Variants in GSE1 observed in about 807,000 individuals in gnomAD.
GSE1 encodes the protein Gse1 coiled-coil protein.
GSE1 carries 32 observed loss-of-function variants against 112.6 expected under a neutral mutation model. The ratio of observed to expected loss-of-function variants is 0.28; its 90% CI spans 0.21 to 0.38. The LOEUF (loss-of-function observed/expected upper bound fraction) is 0.38, where lower values mean the gene tolerates loss of function less well. Among genes scored for constraint, GSE1 ranks in the 10% least tolerant of loss-of-function variants. The probability of loss-of-function intolerance (pLI) is 1.00; values close to 1 mark genes in which losing one functional copy is unlikely to be tolerated. For synonymous variants in GSE1, 1,115 were observed against 735.6 expected, an observed-to-expected ratio of 1.52 and a Z score of -8.35; for missense variants, 2,348 against 1,699.2, an observed-to-expected ratio of 1.38 and a Z score of -6.71.
intron 2 of GSE1, among the ~76,000 whole-genome samples, chr16:85,386,591 C>A (rs2047693439): frequency 6.6e-6 from 1 of 152,224 alleles, no homozygotes; most frequent in African/African-American, 2.4e-5. Context: ...CTGGTCCCAG[C>A]TGTGTCGGCT....
At chr16:85,637,904 G>A (rs2050135373) in intron 2 of GSE1, among the ~76,000 whole-genome samples, 1 of 152,202 alleles carries the variant, frequency 6.6e-6, no homozygotes, top group Admixed American at 6.5e-5. Flanking sequence ...CCTGGCGACG[G>A]CACGTCCTGG....
At chr16:85,571,439 G>A (rs1223835533) in intron 1 of GSE1, among the ~76,000 whole-genome samples, 1 of 152,258 alleles carries the variant, frequency 6.6e-6, no homozygotes, top group African/African-American at 2.4e-5. Context: ...CTGCTCAGTC[G>A]GACAGTGCAG....
In GSE1 at chr16:85,556,755, C is replaced by A. The variant is rs1027708351; in HGVS notation, c.37+392C>A. On this transcript the variant is annotated intron_variant, in intron 1 of 2. Coordinates refer to the GSE1 transcript ENST00000635906. The stretch of plus-strand genomic sequence containing the variant: ...CGCCCCGATCGGGTAGCATGCCCCC[C>A]CCCCCCCCAGTCCTGGGGTTTATTT... Among the ~76,000 whole-genome samples the A allele has an allele frequency of 9.7e-5, 14 of 144,092 alleles. 1 individual carries two copies. Among genetic ancestry groups the A allele is most frequent in the South Asian group, 6.9e-4 (3 of 4,352 alleles). The allele number at this position is 144,092 out of a possible 152,430, so 94.5% of individuals were successfully genotyped here.
chr16:85,644,770 C>T (rs1039541152), intron 2 of GSE1, among the ~76,000 whole-genome samples: 4 of 151,798 alleles, frequency 2.6e-5, no homozygotes, highest in Admixed American at 6.6e-5. Flanking sequence ...TGGGGCCGCG[C>T]GCTGGGTGGG....
chr16:85,470,949 A>G (rs956383713), intron 2 of GSE1, among the ~76,000 whole-genome samples: 2 of 152,270 alleles, frequency 1.3e-5, no homozygotes, highest in Non-Finnish European at 2.9e-5. Context: ...CTCCTGACAC[A>G]TAGCGCGTTG....
At chr16:85,629,435 C>A (rs531109407) in intron 1 of GSE1, among the ~76,000 whole-genome samples, 1 of 152,146 alleles carries the variant, frequency 6.6e-6, no homozygotes, top group Non-Finnish European at 1.5e-5. Context: ...TCCCCTTTTG[C>A]GGTAGCATGT....
At chr16:85,450,617 T>A (rs2049651005) in intron 2 of GSE1, among the ~76,000 whole-genome samples, 1 of 150,998 alleles carries the variant, frequency 6.6e-6, no homozygotes, top group Non-Finnish European at 1.5e-5. Context: ...CCCAGCTACT[T>A]TTTTTGTATT....
intron 1 of GSE1, among the ~76,000 whole-genome samples, chr16:85,587,148 C>T (rs1423902388): frequency 1.4e-5 from 2 of 147,586 alleles, no homozygotes; most frequent in Admixed American, 1.4e-4. Flanking sequence ...CCAGTGTGGG[C>T]GCTCTGGTCT....
intron 2 of GSE1, among the ~76,000 whole-genome samples, chr16:85,643,115 G>C (rs1380898734): frequency 6.6e-6 from 1 of 152,166 alleles, no homozygotes; most frequent in Non-Finnish European, 1.5e-5. Flanking sequence ...TGACTTTGGG[G>C]TGTCAGCTGT....
At chr16:85,309,425 T>C (rs550317804) in intron 1 of GSE1, among the ~76,000 whole-genome samples, 1 of 152,034 alleles carries the variant, frequency 6.6e-6, no homozygotes, top group Non-Finnish European at 1.5e-5. Flanking sequence ...ACCCAGGAGT[T>C]TGAGGCTGCC....
At chr16:85,290,660 G>A (rs1211235995) in intron 1 of GSE1, among the ~76,000 whole-genome samples, 2 of 152,146 alleles carry the variant, frequency 1.3e-5, no homozygotes, top group African/African-American at 4.8e-5. Context: ...ACCGCTGTTT[G>A]TAATAATCTG....
At position 85,648,654 on chromosome 16, in the gene GSE1, T is replaced by A; in HGVS notation, c.329T>A (p.Val110Asp). 6.3e-7 allele frequency: 1 copy of A among 1,596,804 alleles called. No homozygotes were observed. Among genetic ancestry groups the A allele is most frequent in the Non-Finnish European group, 8.6e-7 (1 of 1,168,434 alleles). The change falls in exon 3 of 16, where the codon GTC becomes GAC. Residue 110 changes from valine (V) to aspartate (D), a missense_variant. Physicochemically the swap from Val to Asp is radical, Grantham distance 152 (BLOSUM62 -3). Transcript: ENST00000253458. ...PKRVPMGPII[V>D]PPGGHSVPST... is the part of the protein sequence containing the mutation. ...CGCGTGCCCATGGGCCCTATCATCG[T>A]CCCCCCTGGGGGCCACAGCGTGCCC...
At chr16:85,534,585 C>G (rs2044259471) in intron 2 of GSE1, among the ~76,000 whole-genome samples, 1 of 152,234 alleles carries the variant, frequency 6.6e-6, no homozygotes, top group South Asian at 2.1e-4. Flanking sequence ...CCATCTTCCA[C>G]TGTATGCGCG....
rs144598643 is a variant in GSE1, at chr16:85,657,515, G to A, written c.1551G>A (p.Glu517=). 1.4e-4 allele frequency: 229 copies of A among 1,605,256 alleles called. No homozygotes were observed. The highest frequency in any genetic ancestry group is 1.9e-4 in the Non-Finnish European group (222 of 1,176,500). ...EKEDRQSQVS[E]FRQQVLEQHL... is the part of the protein sequence containing the mutation. Reference sequence around the variant, plus strand: ...AGGACCGGCAGTCTCAGGTGTCCGAGTTCCGGCAGCAGGTGCTGGAGCAGC... The same window carrying A: ...AGGACCGGCAGTCTCAGGTGTCCGAATTCCGGCAGCAGGTGCTGGAGCAGC... Residue 517 remains glutamate (E), a synonymous_variant, in exon 8 of 16, where the codon GAG becomes GAA. Coordinates refer to ENST00000253458, the MANE Select transcript of GSE1 (RefSeq NM_014615.5).
chr16:85,671,277 A>G (rs2053308843), intron 15 of GSE1, among the ~76,000 whole-genome samples, 179 bp downstream of exon 15: 1 of 151,694 alleles, frequency 6.6e-6, no homozygotes, highest in Admixed American at 6.6e-5. Flanking sequence ...TGTCTCTACT[A>G]AAAATACAAA....
intron 1 of GSE1, among the ~76,000 whole-genome samples, chr16:85,624,760 C>A (rs1256378432): frequency 6.6e-6 from 1 of 152,202 alleles, no homozygotes; most frequent in Non-Finnish European, 1.5e-5. Context: ...CGCCTGGGCA[C>A]CGCCAGGACC....
intron 2 of GSE1, among the ~76,000 whole-genome samples, chr16:85,511,399 A>G (rs1318772722): frequency 6.6e-6 from 1 of 152,094 alleles, no homozygotes; most frequent in African/African-American, 2.4e-5. Context: ...ATGGTAGTGC[A>G]TGGCTGTAAT....
chr16:85,443,440 A>G (rs2049430334), intron 2 of GSE1, among the ~76,000 whole-genome samples: 1 of 152,230 alleles, frequency 6.6e-6, no homozygotes, highest in South Asian at 2.1e-4. Context: ...GAGCTAGGAC[A>G]ATGACCTTCC....
At chr16:85,502,071 C>A (rs971004718) in intron 2 of GSE1, among the ~76,000 whole-genome samples, 1 of 152,068 alleles carries the variant, frequency 6.6e-6, no homozygotes, top group Non-Finnish European at 1.5e-5. Flanking sequence ...GTGTCAGGGG[C>A]ACTCGATGGG....
Sources: allele counts gnomAD v4.1 joint callset (sites outside exome capture counted in the v4.1 genomes callset), GRCh38; gene constraint gnomAD v4.1.1; transcripts MANE v1.5; gene names NCBI Gene and HGNC (gene_info 2026-07-23, HGNC 2026-07-21).